Variants in MCCC1 observed in about 807,000 individuals in gnomAD.
MCCC1 encodes the protein methylcrotonyl-CoA carboxylase subunit 1.
A neutral mutation model predicts 83.8 loss-of-function variants in MCCC1; 64 were observed. The observed-to-expected ratio is 0.76, with a 90% CI of 0.62 to 0.94. The LOEUF (loss-of-function observed/expected upper bound fraction) is 0.94, where lower values mean the gene tolerates loss of function less well. Among genes scored for constraint, MCCC1 ranks in the 40% least tolerant of loss-of-function variants. MCCC1 has a pLI of 0.00. For synonymous variants in MCCC1, 322 were observed against 315.4 expected, an observed-to-expected ratio of 1.02 and a Z score of -0.22; for missense variants, 807 against 904.7, an observed-to-expected ratio of 0.89 and a Z score of 1.39.
intron 2 of MCCC1, among the ~76,000 whole-genome samples, chr3:183,093,501 T>C (rs57039238): frequency 0.028 from 4,236 of 152,302 alleles, 177 homozygotes; most frequent in African/African-American, 0.084. Context: ...CAAGTGACTC[T>C]TGTACCAGTC....
At chr3:183,030,227 G>A (rs1712939424) in intron 14 of MCCC1, among the ~76,000 whole-genome samples, 1 of 152,170 alleles carries the variant, frequency 6.6e-6, no homozygotes, top group African/African-American at 2.4e-5. Flanking sequence ...AGAATCGCTT[G>A]AACCCGGGAG....
chr3:183,027,828 C>G lies in MCCC1; in HGVS notation c.1682-2024G>C, dbSNP rs567914466. Among the ~76,000 whole-genome samples the G allele has an allele frequency of 2.0e-5, 3 of 152,208 alleles. No individual in the cohort carries two copies. The South Asian group carries it at 6.2e-4, about 32-fold the overall frequency. Reference sequence around the variant, plus strand: ...AAGGCCAAGAGAAGTGAGGAAGCTGCAGAAAAAATATTTGAAGCTAGCAGA... The same window carrying G: ...AAGGCCAAGAGAAGTGAGGAAGCTGGAGAAAAAATATTTGAAGCTAGCAGA... On this transcript the variant is annotated intron_variant, in intron 14 of 18. Coordinates refer to ENST00000265594, the MANE Select transcript of MCCC1 (RefSeq NM_020166.5).
At chr3:183,037,466 G>C (rs771344009) in intron 12 of MCCC1, 32 bp from the exon 13 acceptor site, 2 of 1,522,560 alleles carry the variant, frequency 1.3e-6, no homozygotes, top group Non-Finnish European at 1.8e-6. Context: ...AGTTCCTGCT[G>C]AGTGGGGAAA....
intron 7 of MCCC1, among the ~76,000 whole-genome samples, chr3:183,058,057 G>T (rs1393308901): frequency 2.0e-5 from 3 of 151,900 alleles, no homozygotes; most frequent in African/African-American, 7.3e-5. Flanking sequence ...ACTAAAGTAG[G>T]GATACGTAAC....
intron 17 of MCCC1, among the ~76,000 whole-genome samples, chr3:183,019,581 C>A (rs1039629115): frequency 6.6e-6 from 1 of 152,162 alleles, no homozygotes; most frequent in East Asian, 1.9e-4. Flanking sequence ...CCTCTAGAAT[C>A]GTGAGAAATA....
At chr3:183,072,854 C>T (rs7624867) in intron 4 of MCCC1, among the ~76,000 whole-genome samples, 84,212 of 152,138 alleles carry the variant, frequency 0.55, 28,701 homozygotes, top group Non-Finnish European at 0.76. Flanking sequence ...CATTCCCTCC[C>T]TTTCCTTAGT....
At position 183,034,777 on chromosome 3, in the gene MCCC1, CT is replaced by C. The variant is rs397963844; in HGVS notation, c.1595-701del. Among the ~76,000 whole-genome samples the C allele has an allele frequency of 5.1e-3, 741 of 143,894 alleles. 4 individuals are homozygous for C. Among genetic ancestry groups the C allele is most frequent in the African/African-American group, 0.017 (681 of 39,264 alleles). The allele number at this position is 143,894 out of a possible 152,430, so 94.4% of individuals were successfully genotyped here. On this transcript the variant is annotated intron_variant, in intron 13 of 18. Coordinates refer to ENST00000265594, the MANE Select transcript of MCCC1 (RefSeq NM_020166.5). ...TGTTGTTGGCCCAGCCCTTATAGGCCTTTTTTTTTTTTCTTTTTTGAGACGA... is the reference window on the plus strand; with the variant it reads ...TGTTGTTGGCCCAGCCCTTATAGGCCTTTTTTTTTTTCTTTTTTGAGACGA...
At chr3:183,103,971 C>G (rs1719364844), upstream of MCCC1, among the ~76,000 whole-genome samples, 1 of 152,208 alleles carries the variant, frequency 6.6e-6, no homozygotes, top group Non-Finnish European at 1.5e-5. Context: ...AGTACACCCT[C>G]CGCAGCCGCT....
chr3:183,098,339 T>C (rs774646390), intron 1 of MCCC1: 1 of 152,248 alleles, frequency 6.6e-6, no homozygotes, highest in African/African-American at 2.4e-5. Flanking sequence ...TTCATATAAA[T>C]GGTTGAGTTT....
At chr3:183,090,153 A>C (rs1018152760) in intron 3 of MCCC1, among the ~76,000 whole-genome samples, 1 of 152,154 alleles carries the variant, frequency 6.6e-6, no homozygotes, top group Non-Finnish European at 1.5e-5. Flanking sequence ...GGTCCAGATA[A>C]AGGACACTGA....
chr3:183,018,894 A>C (rs1711915605), intron 17 of MCCC1, among the ~76,000 whole-genome samples: 1 of 152,216 alleles, frequency 6.6e-6, no homozygotes, highest in African/African-American at 2.4e-5. Flanking sequence ...CCCCAGAAAG[A>C]GATTTCTATT....
chr3:183,060,634 TTACATATGTA>T (rs1715752918), intron 7 of MCCC1, among the ~76,000 whole-genome samples: 1 of 151,994 alleles, frequency 6.6e-6, no homozygotes, highest in South Asian at 2.1e-4. Flanking sequence ...TGCAGGTTTG[TTACATATGTA>T]TACATGCGCC....
intron 1 of MCCC1, among the ~76,000 whole-genome samples, chr3:183,107,678 G>C (rs1455753238): frequency 6.6e-6 from 1 of 151,508 alleles, no homozygotes; most frequent in African/African-American, 2.4e-5. Flanking sequence ...AAGTAGCTGG[G>C]ATTACAGGCG....
At chr3:183,041,294 C>T (rs1399504864) in intron 11 of MCCC1, among the ~76,000 whole-genome samples, 1 of 152,100 alleles carries the variant, frequency 6.6e-6, no homozygotes, top group Non-Finnish European at 1.5e-5. Flanking sequence ...GAGGCAAGGT[C>T]AAGAACAGTA....
chr3:183,113,802 C>T (rs576023693), intron 1 of MCCC1, among the ~76,000 whole-genome samples: 1 of 152,094 alleles, frequency 6.6e-6, no homozygotes, highest in South Asian at 2.1e-4. Flanking sequence ...ATTAATAGAA[C>T]CTGAGGAGGG....
intron 3 of MCCC1, chr3:183,091,035 C>T (rs976842422): frequency 1.1e-5 from 5 of 456,020 alleles, no homozygotes; most frequent in African/African-American, 1.0e-4. Context: ...CATCCTGCTG[C>T]AAAAAGGTGG....
intron 16 of MCCC1, among the ~76,000 whole-genome samples, chr3:183,020,814 C>T (rs1712097746): frequency 6.6e-6 from 1 of 152,180 alleles, no homozygotes; most frequent in African/African-American, 2.4e-5. Context: ...AATCCCAGCA[C>T]TTTAGGAGGC....
chr3:183,045,236 C>T (rs146228033), intron 10 of MCCC1, among the ~76,000 whole-genome samples, 177 bp downstream of exon 10: 86 of 150,412 alleles, frequency 5.7e-4, no homozygotes, highest in African/African-American at 1.9e-3. Context: ...CCCGGCACCA[C>T]GCCCGGCTAA....
chr3:183,098,293 T>G (rs1033207079), intron 1 of MCCC1, among the ~76,000 whole-genome samples: 1 of 152,260 alleles, frequency 6.6e-6, no homozygotes, highest in African/African-American at 2.4e-5. Context: ...AAAAAGGGCA[T>G]CTACAATATT....
Sources: allele counts gnomAD v4.1 joint callset (sites outside exome capture counted in the v4.1 genomes callset), GRCh38; gene constraint gnomAD v4.1.1; transcripts MANE v1.5; gene names NCBI Gene and HGNC (gene_info 2026-07-23, HGNC 2026-07-21).